ZNF516: variants seen among roughly 807,000 people sequenced by gnomAD.
ZNF516 encodes zinc finger protein 516.
A neutral mutation model predicts 79.7 loss-of-function variants in ZNF516; 19 were observed. The ratio of observed to expected loss-of-function variants is 0.24; its 90% CI spans 0.17 to 0.35. The LOEUF (loss-of-function observed/expected upper bound fraction) is 0.35. ZNF516 is among the 10% of genes least tolerant of loss of function. The pLI is 1.00. For synonymous variants in ZNF516, 877 were observed against 739.5 expected (o/e 1.19, Z -3.02); for missense variants, 1,678 against 1,679.5 (o/e 1.00, Z 0.02).
chr18:76,479,407 C>A lies in ZNF516; in HGVS notation c.-272+15737G>T, dbSNP rs189801098. Reference sequence around the variant, plus strand: ...GAAATTCTCCCGGCAAGTCAGTCTGCATCTGCAATTCTGCCTGCTCTGTGA... The same window carrying A: ...GAAATTCTCCCGGCAAGTCAGTCTGAATCTGCAATTCTGCCTGCTCTGTGA... On this transcript the variant is annotated intron_variant, in intron 1 of 6. Coordinates refer to ENST00000443185, the MANE Select transcript of ZNF516 (RefSeq NM_014643.4). Among the ~76,000 whole-genome samples, 114 of 152,352 alleles carry A rather than the reference C, an allele frequency of 7.5e-4. 1 individual carries two copies. Among genetic ancestry groups the A allele is most frequent in the African/African-American group, 2.6e-3 (109 of 41,588 alleles).
intron 3 of ZNF516, among the ~76,000 whole-genome samples, chr18:76,436,383 C>T (rs994193210): frequency 6.6e-6 from 1 of 152,188 alleles, no homozygotes; most frequent in Admixed American, 6.5e-5. Flanking sequence ...CACTCGTTTT[C>T]TCTCCTCCTT....
At chr18:76,407,433 A>AG (rs903251212) in intron 3 of ZNF516, among the ~76,000 whole-genome samples, 1 of 151,930 alleles carries the variant, frequency 6.6e-6, no homozygotes, top group Non-Finnish European at 1.5e-5. Flanking sequence ...AACAAAGAAG[A>AG]GGGGGGGAGT....
intron 2 of ZNF516, among the ~76,000 whole-genome samples, chr18:76,450,101 T>C (rs1056320913): frequency 6.8e-6 from 1 of 147,198 alleles, no homozygotes; most frequent in Non-Finnish European, 1.5e-5. Flanking sequence ...TAATGAAATA[T>C]TTAGAGTTGG....
rs747195084 is a variant in ZNF516, at chr18:76,379,248, G to A, written c.2866C>T (p.Pro956Ser). Reference sequence around the variant, plus strand: ...GGGGCAAAGCCAGCCCCCGCTGGGGGGACCCCAAACTTCTCCACAGGCTTG... The same window carrying A: ...GGGGCAAAGCCAGCCCCCGCTGGGGAGACCCCAAACTTCTCCACAGGCTTG... ...NSKPVEKFGV[P>S]PAGAGFAPTN... is the part of the protein sequence containing the mutation. The change falls in exon 4 of 7, where the codon CCC (proline) becomes TCC (serine). Residue 956 changes from proline (P) to serine (S), a missense_variant. Pro to Ser is a moderately conservative substitution (Grantham distance 74, BLOSUM62 -1). Coordinates refer to ENST00000443185, the MANE Select transcript of ZNF516 (RefSeq NM_014643.4). 1 of 1,612,430 alleles carries A rather than the reference G, an allele frequency of 6.2e-7. No homozygotes were observed. The highest frequency in any genetic ancestry group is 8.5e-7 in the Non-Finnish European group (1 of 1,179,628).
chr18:76,438,799 A>G (rs1020423105), intron 3 of ZNF516, among the ~76,000 whole-genome samples: 1 of 152,264 alleles, frequency 6.6e-6, no homozygotes, highest in African/African-American at 2.4e-5. Flanking sequence ...GGGCAAAATT[A>G]TGGCACAACT....
rs1052842792 is a variant in ZNF516, at chr18:76,467,486, G to A, written c.-271-4345C>T. Among the ~76,000 whole-genome samples the A allele has an allele frequency of 3.3e-5, 5 of 152,150 alleles. No individual in the cohort carries two copies. Among genetic ancestry groups the A allele is most frequent in the Non-Finnish European group, 7.4e-5 (5 of 68,010 alleles). On this transcript the variant is annotated intron_variant, in intron 1 of 6. Transcript: ENST00000443185. The surrounding 1 kb of genome is among the most constrained non-coding windows in gnomAD (Gnocchi z 4.2). The stretch of plus-strand genomic sequence containing the variant: ...CCTAACTAGATATTAAGCACACCTC[G>A]GGGGCAGTGCTGGAATTACAGCATC...
intron 3 of ZNF516, among the ~76,000 whole-genome samples, chr18:76,391,129 G>A (rs2145139779): frequency 6.6e-6 from 1 of 152,262 alleles, no homozygotes; most frequent in South Asian, 2.1e-4. Context: ...AAATCATTAA[G>A]GAGGGCTGCG....
intron 4 of ZNF516, 147 bp from the exon 5 acceptor site, chr18:76,371,718 A>T (rs2074710962): frequency 1.5e-6 from 1 of 652,686 alleles, no homozygotes; most frequent in Admixed American, 2.5e-5. Flanking sequence ...GGCCCTGGTG[A>T]CAACTGTCAG....
At chr18:76,428,626 A>G (rs2075625073) in intron 3 of ZNF516, among the ~76,000 whole-genome samples, 1 of 152,238 alleles carries the variant, frequency 6.6e-6, no homozygotes, top group Non-Finnish European at 1.5e-5. Context: ...GTGGGGAAGC[A>G]GGCTGAGGAA....
At chr18:76,363,059 T>G (rs948016632) in intron 6 of ZNF516, among the ~76,000 whole-genome samples, 61 of 152,186 alleles carry the variant, frequency 4.0e-4, no homozygotes, top group African/African-American at 1.4e-3. Context: ...TCAGAGCGTG[T>G]TCACCCATTT....
At position 76,360,678 on chromosome 18, in the gene ZNF516, T is replaced by TATATATATATATAA; in HGVS notation, c.*1819_*1820insTTATATATATATAT. 1 of 102,018 alleles carries TATATATATATATAA rather than the reference T, an allele frequency of 9.8e-6. No individual in the cohort carries two copies. The highest frequency in any genetic ancestry group is 2.0e-5 in the Non-Finnish European group (1 of 49,930). 6.3% of individuals were successfully genotyped at this position (102,018 alleles called of 1,614,324 possible). On this transcript the variant is annotated 3_prime_UTR_variant, in exon 7 of 7. Transcript: ENST00000443185. ...ATATATATATATATATATATATATA[T>TATATATATATATAA]AAGCTAGCCAGTTACATTGCATCGT...
intron 1 of ZNF516, chr18:76,492,297 C>G: frequency 3.0e-6 from 3 of 985,496 alleles, no homozygotes; most frequent in Non-Finnish European, 3.6e-6. Context: ...GAGCCACACA[C>G]ATCACTACCG....
At chr18:76,457,301 C>G (rs1419954755) in intron 2 of ZNF516, among the ~76,000 whole-genome samples, 1 of 152,228 alleles carries the variant, frequency 6.6e-6, no homozygotes, top group East Asian at 1.9e-4. Context: ...TTTTGATAAG[C>G]AGAGCCATAT....
chr18:76,466,573 G>A (rs1026683014), intron 1 of ZNF516, among the ~76,000 whole-genome samples: 9 of 152,254 alleles, frequency 5.9e-5, no homozygotes, highest in Admixed American at 1.3e-4. Context: ...CTATGCAGGT[G>A]CCGGGGCCGC....
intron 1 of ZNF516, among the ~76,000 whole-genome samples, chr18:76,491,980 G>A (rs1915254380): frequency 6.6e-6 from 1 of 152,160 alleles, no homozygotes; most frequent in Admixed American, 6.5e-5. Context: ...TTGTAACCGA[G>A]TTAGATTTCT....
chr18:76,396,118 G>T (rs1456879493), intron 3 of ZNF516, among the ~76,000 whole-genome samples: 1 of 152,182 alleles, frequency 6.6e-6, no homozygotes, highest in Non-Finnish European at 1.5e-5. Context: ...ACAGCAAATA[G>T]GATATTCAGG....
intron 3 of ZNF516, among the ~76,000 whole-genome samples, chr18:76,395,236 G>T (rs1428705844): frequency 6.6e-6 from 1 of 152,186 alleles, no homozygotes; most frequent in Non-Finnish European, 1.5e-5. Context: ...CAGGGCCTCT[G>T]CGCTCGCTGT....
chr18:76,479,395 C>G (rs1391044557), intron 1 of ZNF516, among the ~76,000 whole-genome samples: 2 of 152,234 alleles, frequency 1.3e-5, no homozygotes, highest in Non-Finnish European at 2.9e-5. Flanking sequence ...ATTCTCCCGG[C>G]AAGTCAGTCT....
At chr18:76,471,599 A>C (rs1372886925) in intron 1 of ZNF516, among the ~76,000 whole-genome samples, 3 of 152,212 alleles carry the variant, frequency 2.0e-5, no homozygotes, top group African/African-American at 7.2e-5. Flanking sequence ...CCACTGGTGG[A>C]AACACTCCAC....
Sources: allele counts gnomAD v4.1 joint callset (sites outside exome capture counted in the v4.1 genomes callset), GRCh38; gene constraint gnomAD v4.1.1; non-coding constraint Gnocchi (gnomAD v3.1); transcripts MANE v1.5; gene names NCBI Gene and HGNC (gene_info 2026-07-23, HGNC 2026-07-21).